The following VAC14 variants were observed in gnomAD, a reference collection of about 807,000 sequenced individuals.
VAC14 encodes the protein protein VAC14 homolog.
Under a neutral mutation model 85.3 loss-of-function variants are expected in VAC14, and 47 were observed. That is an observed-to-expected ratio of 0.55 (90% confidence interval 0.44 to 0.70). VAC14 has a LOEUF of 0.70. Ranked by LOEUF, VAC14 falls within the 30% of genes least tolerant of loss-of-function variation. The pLI is 0.00. For synonymous variants in VAC14, 447 were observed against 430.5 expected (o/e 1.04, Z -0.47); for missense variants, 861 against 1,004.3 (o/e 0.86, Z 1.93).
intron 15 of VAC14, among the ~76,000 whole-genome samples, chr16:70,698,396 T>G (rs1403009760): frequency 6.6e-6 from 1 of 152,022 alleles, no homozygotes; most frequent in Middle Eastern, 3.4e-3. Flanking sequence ...GGGGTCAGGG[T>G]GGACACGTGG....
chr16:70,706,739 G>A (rs4985417), intron 14 of VAC14, among the ~76,000 whole-genome samples: 53,558 of 152,040 alleles, frequency 0.35, 11,712 homozygotes, highest in Non-Finnish European at 0.48. Context: ...TGATCCACCC[G>A]CCTCGGCCTC....
chr16:70,709,111 A>G (rs1319141141), intron 14 of VAC14, among the ~76,000 whole-genome samples: 3 of 152,216 alleles, frequency 2.0e-5, no homozygotes, highest in East Asian at 3.8e-4. Context: ...ATGACAGTAC[A>G]TTAGGAACAT....
At chr16:70,730,423 CCTT>C (rs1440384102) in intron 14 of VAC14, among the ~76,000 whole-genome samples, 1 of 151,966 alleles carries the variant, frequency 6.6e-6, no homozygotes, top group African/African-American at 2.4e-5. Context: ...TCCCCAGGCT[CCTT>C]CTTGCCTTGA....
chr16:70,734,674 T>C (rs113130982), intron 13 of VAC14, among the ~76,000 whole-genome samples: 3,192 of 151,926 alleles, frequency 0.021, 94 homozygotes, highest in African/African-American at 0.072. Flanking sequence ...TGTTCCAGTA[T>C]AACATGATAT....
chr16:70,717,829 T>G (rs1280405729), intron 14 of VAC14, among the ~76,000 whole-genome samples: 1 of 152,158 alleles, frequency 6.6e-6, no homozygotes, highest in Non-Finnish European at 1.5e-5. Flanking sequence ...TTTCTCTTTT[T>G]TTGTAGGGCG....
chr16:70,744,272 G>C, intron 13 of VAC14, 151 bp downstream of exon 13: 2 of 1,153,330 alleles, frequency 1.7e-6, no homozygotes, highest in Non-Finnish European at 2.4e-6. Flanking sequence ...TCTTGAGGTG[G>C]GAGATCGCCA....
intron 15 of VAC14, among the ~76,000 whole-genome samples, chr16:70,698,331 G>C (rs892457025): frequency 6.6e-6 from 1 of 152,222 alleles, no homozygotes; most frequent in Non-Finnish European, 1.5e-5. Context: ...TTTCAAGGGG[G>C]CAGTGCCTGG....
chr16:70,689,187 G>T, intron 18 of VAC14: 1 of 976,308 alleles, frequency 1.0e-6, no homozygotes, highest in Non-Finnish European at 1.2e-6. Context: ...CATCTGCAAA[G>T]CGAGGGCTAC....
intron 14 of VAC14, among the ~76,000 whole-genome samples, chr16:70,719,352 C>T (rs1362838834): frequency 6.6e-6 from 1 of 152,026 alleles, no homozygotes; most frequent in Non-Finnish European, 1.5e-5. Flanking sequence ...AAAAAAAATG[C>T]TAACTGTAAA....
chr16:70,755,481 T>C (rs1195737545), intron 12 of VAC14, among the ~76,000 whole-genome samples: 2 of 152,226 alleles, frequency 1.3e-5, no homozygotes, highest in Non-Finnish European at 2.9e-5. Context: ...TTAGATGCTC[T>C]GGAATCAGAC....
intron 14 of VAC14, among the ~76,000 whole-genome samples, chr16:70,712,638 G>T (rs979823981): frequency 1.3e-5 from 2 of 152,168 alleles, no homozygotes; most frequent in East Asian, 3.9e-4. Flanking sequence ...ACCAGACCGA[G>T]CCTCATGCTG....
At chr16:70,712,789 A>T (rs1438882932) in intron 14 of VAC14, among the ~76,000 whole-genome samples, 2 of 152,146 alleles carry the variant, frequency 1.3e-5, no homozygotes, top group African/African-American at 4.8e-5. Context: ...TTTTTATTGT[A>T]TGTGGTTTAA....
At chr16:70,781,423 G>A (rs1269741451) in intron 8 of VAC14, among the ~76,000 whole-genome samples, 5 of 152,194 alleles carry the variant, frequency 3.3e-5, no homozygotes, top group African/African-American at 9.7e-5. Flanking sequence ...TCTGAACCTC[G>A]TATTCCTAGT....
intron 12 of VAC14, among the ~76,000 whole-genome samples, chr16:70,754,750 G>A (rs16970491): frequency 0.019 from 2,899 of 152,236 alleles, 91 homozygotes; most frequent in African/African-American, 0.064. Flanking sequence ...GGCTGAGGCC[G>A]TATCTTACTG....
At chr16:70,704,932 C>G (rs963610605) in intron 14 of VAC14, among the ~76,000 whole-genome samples, 20 of 152,354 alleles carry the variant, frequency 1.3e-4, no homozygotes, top group African/African-American at 4.6e-4. Context: ...CATGAAACTT[C>G]CCATGATCTC....
intron 10 of VAC14, among the ~76,000 whole-genome samples, chr16:70,763,854 G>A (rs540524212): frequency 1.3e-5 from 2 of 152,332 alleles, no homozygotes; most frequent in East Asian, 3.9e-4. Flanking sequence ...TTGGTTTTTT[G>A]CCCAAAGCAC....
intron 1 of VAC14, among the ~76,000 whole-genome samples, chr16:70,789,935 G>A (rs2034259537): frequency 6.6e-6 from 1 of 152,100 alleles, no homozygotes; most frequent in African/African-American, 2.4e-5. Flanking sequence ...CAACCTGCAC[G>A]GCAGCGAAGG....
intron 13 of VAC14, among the ~76,000 whole-genome samples, chr16:70,735,909 G>A (rs62048007): frequency 0.035 from 5,259 of 152,356 alleles, 148 homozygotes; most frequent in Non-Finnish European, 0.055. Flanking sequence ...CTTATAGATC[G>A]AGTTACCCCA....
chr16:70,733,647 C>T (rs1201891832), intron 13 of VAC14, among the ~76,000 whole-genome samples: 2 of 152,028 alleles, frequency 1.3e-5, no homozygotes, highest in African/African-American at 4.8e-5. Context: ...CTCTTACTCT[C>T]TTGCTCCTGC....
Sources: gnomAD v4.1 joint callset for allele counts (sites outside exome capture counted in the v4.1 genomes callset) on GRCh38, gnomAD v4.1.1 for gene constraint, MANE v1.5 for transcripts, NCBI Gene and HGNC (gene_info 2026-07-23, HGNC 2026-07-21) for gene names.